Variants in DTD1 observed in about 807,000 individuals in gnomAD.
The protein encoded by DTD1 is D-tyrosyl-tRNA deacylase 1 homolog.
DTD1 carries 13 observed loss-of-function variants against 25.6 expected under a neutral mutation model. That is an observed-to-expected ratio of 0.51 (90% CI 0.33 to 0.81). DTD1 has a LOEUF of 0.81. Ranked by LOEUF, DTD1 falls within the 30% of genes least tolerant of loss-of-function variation. The pLI is 0.02. For synonymous variants in DTD1, 110 were observed against 103.6 expected, an observed-to-expected ratio of 1.06 and a Z score of -0.37; for missense variants, 193 against 266.4, an observed-to-expected ratio of 0.72 and a Z score of 1.92.
At chr20:18,618,226 C>T (rs1042275875) in intron 3 of DTD1, among the ~76,000 whole-genome samples, 9 of 152,200 alleles carry the variant, frequency 5.9e-5, no homozygotes, top group African/African-American at 2.2e-4. Context: ...GAATTTCACC[C>T]ATCTGATAGA....
intron 4 of DTD1, among the ~76,000 whole-genome samples, chr20:18,644,102 G>C (rs1014643965): frequency 1.3e-5 from 2 of 152,022 alleles, no homozygotes; most frequent in African/African-American, 4.8e-5. Flanking sequence ...GCAATTTTTT[G>C]CTCTTACTAA....
At chr20:18,683,813 G>A (rs1049445329) in intron 4 of DTD1, among the ~76,000 whole-genome samples, 23 of 152,186 alleles carry the variant, frequency 1.5e-4, no homozygotes, top group African/African-American at 5.1e-4. Flanking sequence ...ACTGGGCGCC[G>A]TGCTTCTTGC....
chr20:18,629,957 G>A lies in DTD1; in HGVS notation c.477+1724G>A, dbSNP rs147779585. ...CCCATGATCCAGTCACCTCCCACCAGGCCCCTCCTCCAATGCTGGGGATTC... is the reference window on the plus strand; with the variant it reads ...CCCATGATCCAGTCACCTCCCACCAAGCCCCTCCTCCAATGCTGGGGATTC... On this transcript the variant is annotated intron_variant, in intron 4 of 5. Transcript: ENST00000377452. 2.1e-3 allele frequency among the ~76,000 whole-genome samples: 327 copies of A among 152,124 alleles called. 3 individuals are homozygous for A. Among genetic ancestry groups the A allele is most frequent in the African/African-American group, 7.4e-3 (308 of 41,506 alleles).
At chr20:18,725,287 G>A (rs905142938) in intron 4 of DTD1, among the ~76,000 whole-genome samples, 1 of 152,204 alleles carries the variant, frequency 6.6e-6, no homozygotes, top group African/African-American at 2.4e-5. Flanking sequence ...AGTAGTAACT[G>A]GAGTGGCACA....
chr20:18,666,021 A>G (rs943272895), intron 4 of DTD1, among the ~76,000 whole-genome samples: 5 of 152,092 alleles, frequency 3.3e-5, no homozygotes, highest in Non-Finnish European at 5.9e-5. Context: ...CAGTTTTTCC[A>G]TTTATATCCT....
intron 4 of DTD1, among the ~76,000 whole-genome samples, chr20:18,639,992 A>G (rs2060822446): frequency 6.6e-6 from 1 of 152,024 alleles, no homozygotes; most frequent in Admixed American, 6.6e-5. Context: ...GGGGATAAGT[A>G]TAAGTTCTAT....
At chr20:18,702,744 CAAAAAA>C (rs10583250) in intron 4 of DTD1, among the ~76,000 whole-genome samples, 5 of 123,114 alleles carry the variant, frequency 4.1e-5, no homozygotes, top group Non-Finnish European at 4.9e-5. Context: ...TGGAATGAGG[CAAAAAA>C]AAAAAAAAAA....
At chr20:18,624,151 A>T (rs1202170916) in intron 3 of DTD1, among the ~76,000 whole-genome samples, 3 of 152,116 alleles carry the variant, frequency 2.0e-5, no homozygotes, top group African/African-American at 7.2e-5. Context: ...CCCTGCCATG[A>T]AGCCCTTCCA....
intron 4 of DTD1, among the ~76,000 whole-genome samples, chr20:18,671,974 C>T (rs1410684636): frequency 1.3e-5 from 2 of 152,198 alleles, no homozygotes; most frequent in African/African-American, 2.4e-5. Context: ...TAGTTCATAC[C>T]TGTAATCCCA....
intron 1 of DTD1, among the ~76,000 whole-genome samples, chr20:18,589,407 C>CA (rs2060580262): frequency 6.6e-6 from 1 of 151,312 alleles, no homozygotes; most frequent in African/African-American, 2.4e-5. Flanking sequence ...ACAAAAACAA[C>CA]AAAAAACCCT....
At chr20:18,713,206 C>A (rs2061166907) in intron 4 of DTD1, among the ~76,000 whole-genome samples, 1 of 152,252 alleles carries the variant, frequency 6.6e-6, no homozygotes, top group African/African-American at 2.4e-5. Flanking sequence ...ATTGTTCTTT[C>A]TGTCTAGTGT....
intron 3 of DTD1, among the ~76,000 whole-genome samples, chr20:18,618,876 C>A (rs1047489085): frequency 1.3e-5 from 2 of 151,986 alleles, no homozygotes; most frequent in Non-Finnish European, 2.9e-5. Context: ...CCATGCCCAG[C>A]TAATTTTTGT....
chr20:18,641,233 C>T (rs912985600), intron 4 of DTD1, among the ~76,000 whole-genome samples: 1 of 152,130 alleles, frequency 6.6e-6, no homozygotes, highest in Non-Finnish European at 1.5e-5. Context: ...TTTGTCTATC[C>T]ATTCGTTTAT....
chr20:18,727,941 G>A (rs1248979135), intron 4 of DTD1, among the ~76,000 whole-genome samples: 1 of 152,230 alleles, frequency 6.6e-6, no homozygotes, highest in Non-Finnish European at 1.5e-5. Context: ...GAAGCAGAGG[G>A]GAGGCTGATG....
In DTD1 at chr20:18,621,262, T is replaced by C. The variant is rs191252856; in HGVS notation, c.371-6865T>C. 2.8e-4 allele frequency among the ~76,000 whole-genome samples: 42 copies of C among 152,350 alleles called. No homozygotes were observed. The East Asian group carries it at 8.1e-3, about 29-fold the overall frequency. ...TGTCCCTCATTTTGTGTCCGCCTGA[T>C]GTCTTCTCATGATTAAAGTTAGGCA... On this transcript the variant is annotated intron_variant, in intron 3 of 5. Transcript: ENST00000377452.
chr20:18,730,868 T>C (rs182419210), intron 4 of DTD1, among the ~76,000 whole-genome samples: 3 of 152,334 alleles, frequency 2.0e-5, no homozygotes, highest in Admixed American at 2.0e-4. Flanking sequence ...TTGGTTGACA[T>C]AGAATATTTG....
chr20:18,589,786 G>A (rs1362793893), intron 1 of DTD1, among the ~76,000 whole-genome samples: 2 of 152,174 alleles, frequency 1.3e-5, no homozygotes, highest in Non-Finnish European at 2.9e-5. Context: ...TGCTGAATAA[G>A]AGTTTGGGTT....
intron 4 of DTD1, among the ~76,000 whole-genome samples, chr20:18,689,864 G>T (rs544882696): frequency 5.3e-5 from 8 of 152,276 alleles, no homozygotes; most frequent in African/African-American, 1.9e-4. Flanking sequence ...CGGGTATGGT[G>T]GCCCATGCCT....
intron 4 of DTD1, chr20:18,630,946 G>A (rs924808780): frequency 9.8e-6 from 4 of 408,732 alleles, no homozygotes; most frequent in African/African-American, 8.7e-5. Flanking sequence ...ATCCTACCAG[G>A]AGGTATGTGG....
Sources: allele counts gnomAD v4.1 joint callset (sites outside exome capture counted in the v4.1 genomes callset), GRCh38; gene constraint gnomAD v4.1.1; transcripts MANE v1.5; gene names NCBI Gene and HGNC (gene_info 2026-07-23, HGNC 2026-07-21).